PCDHA1: variants seen among roughly 807,000 people sequenced by gnomAD.
PCDHA1 encodes the protein protocadherin alpha 1, also known as protocadherin alpha-1.
PCDHA1 carries 42 observed loss-of-function variants against 61.3 expected under a neutral mutation model. The ratio of observed to expected loss-of-function variants is 0.69; its 90% CI spans 0.54 to 0.89. The LOEUF is 0.89. PCDHA1 is among the 40% of genes least tolerant of loss of function. The pLI is 0.00. For synonymous variants in PCDHA1, 610 were observed against 553.8 expected (o/e 1.10, Z -1.43); for missense variants, 1,256 against 1,235.3 (o/e 1.02, Z -0.25).
At position 140,858,109 on chromosome 5, in the gene PCDHA1, C is replaced by G. The variant is rs782526722; in HGVS notation, c.2394+69425C>G. 17 of 1,597,646 alleles carry G rather than the reference C, an allele frequency of 1.1e-5. 1 individual carries two copies. The highest frequency in any genetic ancestry group is 1.2e-5 in the Non-Finnish European group (14 of 1,167,662). ...CGCGGGCTTCAGTGGGCGTGGCGCC[C>G]GAGGTGGCCCTGGTGGATGTCAACG... On this transcript the variant is annotated intron_variant, in intron 1 of 3. Transcript: ENST00000504120.
chr5:140,886,422 T>G (rs930235903), intron 1 of PCDHA1, among the ~76,000 whole-genome samples: 1 of 152,240 alleles, frequency 6.6e-6, no homozygotes, highest in Non-Finnish European at 1.5e-5. Flanking sequence ...TCCTATATTA[T>G]TTCTATTCAT....
intron 1 of PCDHA1, chr5:140,843,736 A>G: frequency 6.5e-7 from 1 of 1,547,470 alleles, no homozygotes; most frequent in African/African-American, 1.4e-5. Context: ...TTAAATTTAG[A>G]ACTCATAAAT....
At position 140,836,104 on chromosome 5, in the gene PCDHA1, G is replaced by C. The variant is rs2150252946; in HGVS notation, c.2394+47420G>C. The C allele has an allele frequency of 9.3e-6, 15 of 1,613,730 alleles. 1 individual carries two copies. In the South Asian group the frequency reaches 1.4e-4, roughly 15 times the overall value. ...CTGGCGCCTCGGGTGGGTGGCACTG[G>C]TGGCGCAGTGAGAGAGCTTGTGCCG... is the stretch of plus-strand genomic sequence containing the variant. On this transcript the variant is annotated intron_variant, in intron 1 of 3. Transcript: ENST00000504120.
chr5:140,875,952 G>A (rs782164384), intron 1 of PCDHA1: 2 of 1,614,102 alleles, frequency 1.2e-6, no homozygotes, highest in South Asian at 2.2e-5. Flanking sequence ...CTTCTGATGC[G>A]GATATCGGCG....
intron 1 of PCDHA1, among the ~76,000 whole-genome samples, chr5:140,909,322 T>A (rs1554193738): frequency 6.6e-6 from 1 of 152,236 alleles, no homozygotes. Context: ...ATTTGCCAAA[T>A]CAATGGTTGC....
At chr5:140,801,633 C>G (rs368118741) in intron 1 of PCDHA1, 10 of 1,614,106 alleles carry the variant, frequency 6.2e-6, no homozygotes, top group Non-Finnish European at 8.5e-6. Context: ...TTCCGAATCC[C>G]GACAGCCTGG....
In PCDHA1 at chr5:140,794,930, C is replaced by T. The variant is rs782425445; in HGVS notation, c.2394+6246C>T. 1.9e-6 allele frequency: 3 copies of T among 1,559,584 alleles called. No homozygotes were observed. In the African/African-American group the frequency reaches 4.1e-5, roughly 22 times the overall value. On this transcript the variant is annotated intron_variant, in intron 1 of 3. Transcript: ENST00000504120. ...AATATTTAAATTTTTGCAAAACATG[C>T]TCTTCTAATTTGATCAAAACATTGA...
chr5:140,823,078 T>G (rs1581791056), intron 1 of PCDHA1: 1 of 1,613,880 alleles, frequency 6.2e-7, no homozygotes, highest in Non-Finnish European at 8.5e-7. Context: ...GCCTTCGCTG[T>G]GGGCCACCGC....
rs1052597766 is a variant in PCDHA1, at chr5:140,792,751, T to C, written c.2394+4067T>C. 3.0e-4 allele frequency among the ~76,000 whole-genome samples: 46 copies of C among 152,222 alleles called. 1 individual carries two copies. The highest frequency in any genetic ancestry group is 3.0e-3 in the Admixed American group (46 of 15,280). ...TTCTAGGTATAATTCCTTCTATGTG[T>C]CAACAGTGGTCAATGTTGGCTATAG... is the stretch of plus-strand genomic sequence containing the variant. On this transcript the variant is annotated intron_variant, in intron 1 of 3. Coordinates refer to ENST00000504120, the MANE Select transcript of PCDHA1 (RefSeq NM_018900.4).
At chr5:140,927,868 C>T (rs782143210) in intron 1 of PCDHA1, 2 of 1,614,220 alleles carry the variant, frequency 1.2e-6, no homozygotes, top group Admixed American at 1.7e-5. Flanking sequence ...CACCGCTAAA[C>T]TGCTGGTGGA....
intron 1 of PCDHA1, chr5:140,927,446 T>C (rs1554204540): frequency 6.2e-7 from 1 of 1,614,128 alleles, no homozygotes; most frequent in Non-Finnish European, 8.5e-7. Flanking sequence ...TACCCGGAGT[T>C]GGTGTTGGAG....
In PCDHA1 at chr5:141,010,847, A is replaced by C. The variant is rs2098418553; in HGVS notation, c.*910A>C. 6.5e-6 allele frequency: 1 copy of C among 153,782 alleles called. No homozygotes were observed. Among genetic ancestry groups the C allele is most frequent in the Non-Finnish European group, 1.5e-5 (1 of 68,062 alleles). The allele number at this position is 153,782 out of a possible 1,614,324, so 9.5% of individuals were successfully genotyped here. A position where few individuals can be genotyped will look rare whatever the true frequency, so the allele number is the denominator to read the frequency against. ...TTGTTGTTTCATAGATTTATTTAAA[A>C]AAAGAGAAAGTCTATAGCTATAAAT... On this transcript the variant is annotated 3_prime_UTR_variant, in exon 4 of 4. Transcript: ENST00000504120.
chr5:140,870,319 T>A, intron 1 of PCDHA1: 1 of 1,614,162 alleles, frequency 6.2e-7, no homozygotes, highest in Non-Finnish European at 8.5e-7. Context: ...TTACTACTCG[T>A]TGGTGCTGGA....
intron 1 of PCDHA1, chr5:140,801,753 G>A: frequency 5.0e-6 from 8 of 1,613,964 alleles, no homozygotes; most frequent in Non-Finnish European, 6.8e-6. Flanking sequence ...TAAAAGAAAT[G>A]ATGAGGAAAT....
intron 1 of PCDHA1, chr5:140,842,473 G>A (rs2150336971): frequency 3.7e-6 from 6 of 1,613,820 alleles, no homozygotes; most frequent in Non-Finnish European, 3.4e-6. Flanking sequence ...CCAACGGGCA[G>A]GTGACCTGCT....
intron 1 of PCDHA1, among the ~76,000 whole-genome samples, chr5:140,947,863 G>A (rs1438094304): frequency 6.6e-6 from 1 of 151,230 alleles, no homozygotes; most frequent in Non-Finnish European, 1.5e-5. Flanking sequence ...CATTATAATG[G>A]CTAGGACTTC....
intron 1 of PCDHA1, among the ~76,000 whole-genome samples, chr5:140,918,416 C>A (rs2078685021): frequency 6.6e-6 from 1 of 152,110 alleles, no homozygotes; most frequent in Non-Finnish European, 1.5e-5. Flanking sequence ...GCCAGGACTT[C>A]CAGTAGGATG....
chr5:140,867,681 A>G (rs759356211), intron 1 of PCDHA1: 2 of 152,096 alleles, frequency 1.3e-5, no homozygotes, highest in African/African-American at 2.4e-5. Flanking sequence ...ATTTTGTTGC[A>G]TCTTCTTTTT....
Position 140,858,184 on chromosome 5 carries a change from G to T in PCDHA1, c.2394+69500G>T, listed in dbSNP as rs782618700. The T allele has an allele frequency of 3.1e-6, 5 of 1,597,468 alleles. 1 individual carries two copies. In the South Asian group the frequency reaches 4.4e-5, roughly 14 times the overall value. Reference sequence around the variant, plus strand: ...CGGTGTCCAGCTTGCTGGTGCTCACGCTGCTGCTGTACACTGCACTGAGGT... The same window carrying T: ...CGGTGTCCAGCTTGCTGGTGCTCACTCTGCTGCTGTACACTGCACTGAGGT... On this transcript the variant is annotated intron_variant, in intron 1 of 3. Transcript: ENST00000504120.
Sources: gnomAD v4.1 joint callset for allele counts (sites outside exome capture counted in the v4.1 genomes callset) on GRCh38, gnomAD v4.1.1 for gene constraint, MANE v1.5 for transcripts, NCBI Gene and HGNC (gene_info 2026-07-23, HGNC 2026-07-21) for gene names.